The following DHX57 variants were observed in gnomAD, a reference collection of about 807,000 sequenced individuals.
DHX57 encodes the protein DExH-box helicase 57.
DHX57 carries 105 observed loss-of-function variants against 156.2 expected under a neutral mutation model. That is an observed-to-expected ratio of 0.67 (90% CI 0.57 to 0.79). The LOEUF (loss-of-function observed/expected upper bound fraction) is 0.79. Among genes scored for constraint, DHX57 ranks in the 30% least tolerant of loss-of-function variants. The pLI, the probability that DHX57 is intolerant of heterozygous loss-of-function variation, is 0.00. For missense variants in DHX57, 1,847 were observed against 1,661.9 expected, an observed-to-expected ratio of 1.11 and a Z score of -1.94; for synonymous variants, 704 against 595.6, an observed-to-expected ratio of 1.18 and a Z score of -2.65.
chr2:38,814,639 G>A (rs1432089885), intron 20 of DHX57, among the ~76,000 whole-genome samples: 1 of 152,070 alleles, frequency 6.6e-6, no homozygotes, highest in East Asian at 1.9e-4. Flanking sequence ...AAATTCTACT[G>A]GAAGTCTATT....
In DHX57 at chr2:38,861,160, T is replaced by G; in HGVS notation, c.1250A>C (p.Glu417Ala). The G allele has an allele frequency of 6.2e-7, 1 of 1,614,182 alleles. No homozygotes were observed. The highest frequency in any genetic ancestry group is 1.1e-5 in the South Asian group (1 of 91,086). The part of the protein sequence containing the change: ...VVYSLITLLE[E>A]ESEIVKLLTN... Reference sequence around the variant, plus strand: ...TAGTAACTTGACTATTTCCGACTCTTCCTCTAAAAGGGTTATCAAAGAATA... The same window carrying G: ...TAGTAACTTGACTATTTCCGACTCTGCCTCTAAAAGGGTTATCAAAGAATA... The change falls in exon 5 of 24, where the codon GAA (glutamate) becomes GCA (alanine). Residue 417 changes from glutamate to alanine, a missense_variant. Coordinates refer to ENST00000457308, the MANE Select transcript of DHX57 (RefSeq NM_198963.3).
Position 38,827,950 on chromosome 2 carries a change from G to A in DHX57, c.2639+390C>T, listed in dbSNP as rs376399719. Among the ~76,000 whole-genome samples, 4 of 152,162 alleles carry A rather than the reference G, an allele frequency of 2.6e-5. No individual in the cohort carries two copies. In the South Asian group the frequency reaches 6.2e-4, roughly 24 times the overall value. ...CAGCTCACCAAAACCTCTGCCTCCC[G>A]GGTTCAAGCTATTCTCCTGCCTCAG... On this transcript the variant is annotated intron_variant, in intron 14 of 23. Coordinates refer to ENST00000457308, the MANE Select transcript of DHX57 (RefSeq NM_198963.3).
At chr2:38,849,901 C>T (rs1672493394) in intron 9 of DHX57, among the ~76,000 whole-genome samples, 1 of 152,156 alleles carries the variant, frequency 6.6e-6, no homozygotes, top group African/African-American at 2.4e-5. Context: ...ATGCCCTCCT[C>T]CCTTGAATTT....
At chr2:38,862,620 G>A (rs1162839623) in intron 3 of DHX57, 1 of 199,076 alleles carries the variant, frequency 5.0e-6, no homozygotes. Flanking sequence ...TTTTCTAGAT[G>A]ATCAACTAAA....
At chr2:38,825,163 A>G (rs1382032076) in intron 16 of DHX57, among the ~76,000 whole-genome samples, 2 of 152,242 alleles carry the variant, frequency 1.3e-5, no homozygotes, top group Non-Finnish European at 2.9e-5. Context: ...TAAGTTGCCA[A>G]TCTATATACA....
At chr2:38,829,517 G>C (rs898170369) in intron 13 of DHX57, among the ~76,000 whole-genome samples, 2 of 151,824 alleles carry the variant, frequency 1.3e-5, no homozygotes, top group Non-Finnish European at 2.9e-5. Flanking sequence ...TGATCTGCCC[G>C]CCTTGGCCTC....
chr2:38,804,097 T>C (rs1331917288), intron 22 of DHX57, among the ~76,000 whole-genome samples: 3 of 152,186 alleles, frequency 2.0e-5, no homozygotes, highest in African/African-American at 7.2e-5. Flanking sequence ...CATTGTCATC[T>C]CACAGAAACC....
intron 21 of DHX57, chr2:38,811,339 C>G: frequency 9.5e-6 from 5 of 525,578 alleles, no homozygotes; most frequent in South Asian, 8.0e-5. Flanking sequence ...GGGACACATA[C>G]TTTGCCCCCT....
intron 11 of DHX57, 134 bp from the exon 12 acceptor site, chr2:38,843,344 C>T: frequency 5.7e-6 from 5 of 875,862 alleles, no homozygotes; most frequent in Non-Finnish European, 8.9e-6. Context: ...TTCCACCAGT[C>T]CAGGATTCTG....
chr2:38,862,044 A>C, intron 4 of DHX57, 101 bp downstream of exon 4: 1 of 1,368,020 alleles, frequency 7.3e-7, no homozygotes, highest in Non-Finnish European at 9.8e-7. Flanking sequence ...CATTGCTGGA[A>C]CCCACATAAT....
At chr2:38,818,750 T>A in intron 19 of DHX57, 127 bp downstream of exon 19, 2 of 1,095,256 alleles carry the variant, frequency 1.8e-6, no homozygotes, top group Non-Finnish European at 2.6e-6. Context: ...ACACGGCTGG[T>A]AAGGCCAAAC....
At chr2:38,805,332 T>C (rs981438338) in intron 22 of DHX57, among the ~76,000 whole-genome samples, 3 of 152,102 alleles carry the variant, frequency 2.0e-5, no homozygotes, top group African/African-American at 7.2e-5. Context: ...GTTTCAAATT[T>C]GGTGACAAGG....
chr2:38,803,036 G>A lies in DHX57; in HGVS notation c.3817-121C>T, dbSNP rs145324904. On this transcript the variant is annotated intron_variant, in intron 22 of 23. Coordinates refer to ENST00000457308, the MANE Select transcript of DHX57 (RefSeq NM_198963.3). ...GACTCCCCAAATTTATCTATAGCCC[G>A]TGACTTTCCTGAGCTCCAGATCTGC... 734 of 1,053,212 alleles carry A rather than the reference G, an allele frequency of 7.0e-4. 2 individuals are homozygous for A. The African/African-American group carries it at 0.011, about 15-fold the overall frequency. The allele number at this position is 1,053,212 out of a possible 1,614,324, so 65.2% of individuals were successfully genotyped here.
chr2:38,808,223 G>T (rs1159485577), intron 21 of DHX57, among the ~76,000 whole-genome samples: 1 of 151,870 alleles, frequency 6.6e-6, no homozygotes, highest in African/African-American at 2.4e-5. Flanking sequence ...AAAGTGCTGG[G>T]ATTACAGGCG....
At position 38,862,198 on chromosome 2, in the gene DHX57, C is replaced by T; in HGVS notation, c.519G>A (p.Glu173=). The change falls in exon 4 of 24, where the codon GAG becomes GAA. Residue 173 remains glutamate, a synonymous_variant. Coordinates refer to ENST00000457308, the MANE Select transcript of DHX57 (RefSeq NM_198963.3). ...PLEYAGLASV[E]PYVPEFTVSP... ...AGACTGTAAATTCTGGAACATAAGG[C>T]TCCACTGAGGCTAAGCCAGCATATT... is the stretch of plus-strand genomic sequence containing the variant. The T allele has an allele frequency of 6.2e-7, 1 of 1,613,278 alleles. No individual in the cohort carries two copies. The highest frequency in any genetic ancestry group is 8.5e-7 in the Non-Finnish European group (1 of 1,179,596).
At chr2:38,846,465 T>TA (rs1249275819) in intron 11 of DHX57, among the ~76,000 whole-genome samples, 3 of 150,194 alleles carry the variant, frequency 2.0e-5, no homozygotes, top group Non-Finnish European at 4.4e-5. Context: ...ACAAAACCAT[T>TA]AAAAAAAATT....
chr2:38,830,271 C>T (rs557342599), intron 13 of DHX57, among the ~76,000 whole-genome samples: 15 of 152,230 alleles, frequency 9.9e-5, no homozygotes, highest in East Asian at 9.7e-4. Flanking sequence ...TAAAAAATAC[C>T]TCACAGTAAC....
At chr2:38,865,166 T>C (rs1665000514) in intron 2 of DHX57, among the ~76,000 whole-genome samples, 1 of 152,228 alleles carries the variant, frequency 6.6e-6, no homozygotes. Context: ...ATAATAATTG[T>C]ACATTCTTTA....
At chr2:38,807,244 G>A (rs984189377) in intron 21 of DHX57, among the ~76,000 whole-genome samples, 3 of 151,984 alleles carry the variant, frequency 2.0e-5, no homozygotes, top group Admixed American at 1.3e-4. Flanking sequence ...TAGTAGACAT[G>A]TGGTTTCACC....
Sources: allele counts gnomAD v4.1 joint callset (sites outside exome capture counted in the v4.1 genomes callset), GRCh38; gene constraint gnomAD v4.1.1; transcripts MANE v1.5; gene names NCBI Gene and HGNC (gene_info 2026-07-23, HGNC 2026-07-21).